TNIP3: variants seen among roughly 807,000 people sequenced by gnomAD.
TNIP3 encodes the protein TNFAIP3-interacting protein 3.
TNIP3 carries 34 observed loss-of-function variants against 54.1 expected under a neutral mutation model. That is an observed-to-expected ratio of 0.63 (90% CI 0.48 to 0.84). The LOEUF (loss-of-function observed/expected upper bound fraction) is 0.84, where lower values mean the gene tolerates loss of function less well. TNIP3 is among the 40% of genes least tolerant of loss of function. The pLI is 0.00. For synonymous variants in TNIP3, 134 were observed against 136.8 expected (o/e 0.98, Z 0.14); for missense variants, 366 against 387.6 (o/e 0.94, Z 0.47).
rs564421859 is a variant in TNIP3 at position 121,154,986 on chromosome 4, G to A, written c.364-307C>T. 1.0e-4 allele frequency among the ~76,000 whole-genome samples: 15 copies of A among 147,074 alleles called. No individual in the cohort carries two copies. In the East Asian group the frequency reaches 2.8e-3, roughly 27 times the overall value. ...AATTCTTTTTTTTTTTTTTAAAGAC[G>A]AATTCTCACACTGTCTCCCGGCCTG... On this transcript the variant is annotated intron_variant, in intron 4 of 10. Coordinates refer to ENST00000057513, the MANE Select transcript of TNIP3 (RefSeq NM_024873.6).
chr4:121,159,721 A>G (rs1196367827), intron 2 of TNIP3, among the ~76,000 whole-genome samples: 1 of 152,264 alleles, frequency 6.6e-6, no homozygotes, highest in Admixed American at 6.5e-5. Flanking sequence ...ATTTTAGGCT[A>G]CAAATAATTT....
chr4:121,174,230 C>A (rs1303281505), intron 3 of TNIP3, among the ~76,000 whole-genome samples: 1 of 151,958 alleles, frequency 6.6e-6, no homozygotes, highest in Non-Finnish European at 1.5e-5. Context: ...TTTTTAAATA[C>A]CAAAAGTTAT....
chr4:121,156,606 G>C (rs1730101565), intron 4 of TNIP3, among the ~76,000 whole-genome samples: 1 of 152,082 alleles, frequency 6.6e-6, no homozygotes, highest in African/African-American at 2.4e-5. Flanking sequence ...GAGGACGAAG[G>C]CTTTAAAAAA....
intron 10 of TNIP3, 93 bp from the exon 11 acceptor site, chr4:121,132,755 C>CA (rs35684713): frequency 0.2 from 158,206 of 777,704 alleles, 4,893 homozygotes; most frequent in African/African-American, 0.32. Flanking sequence ...TCCAGGATGG[C>CA]AAAAAAAAAA....
At chr4:121,202,938 A>G (rs1350394245) in intron 2 of TNIP3, among the ~76,000 whole-genome samples, 1 of 152,124 alleles carries the variant, frequency 6.6e-6, no homozygotes, top group African/African-American at 2.4e-5. Context: ...AGATGTTGGC[A>G]TGGATGTGGT....
At chr4:121,211,131 T>A (rs1726457536) in intron 2 of TNIP3, among the ~76,000 whole-genome samples, 1 of 152,160 alleles carries the variant, frequency 6.6e-6, no homozygotes, top group Non-Finnish European at 1.5e-5. Context: ...AAATATTTCC[T>A]AGATGTGAAA....
intron 9 of TNIP3, among the ~76,000 whole-genome samples, chr4:121,140,906 A>G (rs1253060330): frequency 6.6e-6 from 1 of 152,150 alleles, no homozygotes; most frequent in East Asian, 1.9e-4. Flanking sequence ...TCCTTCAGCC[A>G]CCCAAAGAGT....
chr4:121,186,364 C>T (rs1029455876), intron 2 of TNIP3, among the ~76,000 whole-genome samples: 12 of 152,176 alleles, frequency 7.9e-5, no homozygotes, highest in African/African-American at 2.9e-4. Flanking sequence ...GATTGTAGCA[C>T]AGTAAGGACT....
chr4:121,204,107 A>G (rs1241119852), intron 2 of TNIP3, among the ~76,000 whole-genome samples: 2 of 152,058 alleles, frequency 1.3e-5, no homozygotes, highest in Non-Finnish European at 2.9e-5. Flanking sequence ...GCCAAATAAT[A>G]TTTGAAAATT....
At chr4:121,193,557 G>A (rs965662591) in intron 2 of TNIP3, among the ~76,000 whole-genome samples, 4 of 152,060 alleles carry the variant, frequency 2.6e-5, no homozygotes, top group African/African-American at 4.8e-5. Flanking sequence ...TTTGACAGCC[G>A]TCATAGTAAT....
chr4:121,145,071 T>C (rs1729351017), intron 7 of TNIP3, among the ~76,000 whole-genome samples: 1 of 152,236 alleles, frequency 6.6e-6, no homozygotes. Flanking sequence ...ATAGAATGAA[T>C]ACATTCTGGT....
intron 4 of TNIP3, 77 bp from the exon 5 acceptor site, chr4:121,154,756 T>A: frequency 7.1e-7 from 1 of 1,400,804 alleles, no homozygotes; most frequent in Non-Finnish European, 9.5e-7. Flanking sequence ...TTCTGATATA[T>A]CAGCCATGGC....
At chr4:121,214,182 C>T (rs1180666672) in intron 2 of TNIP3, among the ~76,000 whole-genome samples, 2 of 152,162 alleles carry the variant, frequency 1.3e-5, no homozygotes, top group African/African-American at 4.8e-5. Context: ...TTTCCCACTT[C>T]CCTCAGACAA....
In TNIP3 at chr4:121,196,388, A is replaced by G. The variant is rs564523195; in HGVS notation, c.69-13592T>C. Among the ~76,000 whole-genome samples the G allele has an allele frequency of 3.9e-5, 6 of 152,340 alleles. No homozygotes were observed. The South Asian group carries it at 8.3e-4, about 21-fold the overall frequency. On this transcript the variant is annotated intron_variant, in intron 2 of 12. Transcript: ENST00000507879. ...TAATAAGTTTTTTCCTGTAACAAGT[A>G]TAGGTTTTTTTTAAGTTAGAAAATA...
At chr4:121,224,629 C>T (rs1047564772) in intron 1 of TNIP3, among the ~76,000 whole-genome samples, 7 of 152,090 alleles carry the variant, frequency 4.6e-5, no homozygotes, top group African/African-American at 1.7e-4. Context: ...TTTAATTTGT[C>T]TACCTTAAAC....
chr4:121,158,484 A>G (rs1385443190), intron 3 of TNIP3, among the ~76,000 whole-genome samples: 2 of 152,180 alleles, frequency 1.3e-5, no homozygotes, highest in Non-Finnish European at 2.9e-5. Context: ...TTCTTTAGCT[A>G]TTGCTCAAGA....
At chr4:121,155,120 G>A (rs1023375278) in intron 4 of TNIP3, among the ~76,000 whole-genome samples, 2 of 151,826 alleles carry the variant, frequency 1.3e-5, no homozygotes, top group African/African-American at 4.8e-5. Context: ...CTGCCACCAC[G>A]CCCGGCTAAT....
intron 1 of TNIP3, chr4:121,227,287 A>G: frequency 9.2e-7 from 1 of 1,084,696 alleles, no homozygotes; most frequent in South Asian, 1.4e-5. Context: ...TCTTTTTAAT[A>G]TGAGAACTTT....
At chr4:121,138,000 G>C in intron 10 of TNIP3, 1 of 455,744 alleles carries the variant, frequency 2.2e-6, no homozygotes, top group Non-Finnish European at 4.4e-6. Flanking sequence ...ACAAGCAGTA[G>C]AAAGTATAGC....
Sources: allele counts gnomAD v4.1 joint callset (sites outside exome capture counted in the v4.1 genomes callset), GRCh38; gene constraint gnomAD v4.1.1; transcripts MANE v1.5; gene names NCBI Gene and HGNC (gene_info 2026-07-23, HGNC 2026-07-21).